IRS1: variants seen among roughly 807,000 people sequenced by gnomAD.
IRS1 encodes the protein insulin receptor substrate 1.
A neutral mutation model predicts 65.6 loss-of-function variants in IRS1; 34 were observed. The observed-to-expected ratio is 0.52, with a 90% CI of 0.39 to 0.69. The LOEUF (loss-of-function observed/expected upper bound fraction) is 0.69. Among genes scored for constraint, IRS1 ranks in the 30% least tolerant of loss-of-function variants. The probability of loss-of-function intolerance (pLI) is 0.00; values close to 1 mark genes in which losing one functional copy is unlikely to be tolerated. For missense variants in IRS1, 1,641 were observed against 1,720.2 expected (o/e 0.95, Z 0.81); for synonymous variants, 699 against 683.5 (o/e 1.02, Z -0.35).
chr2:226,795,300 C>G lies in IRS1; in HGVS notation c.3439G>C (p.Glu1147Gln). The change falls in exon 1 of 2, where the codon GAG becomes CAG. Residue 1147 changes from glutamate to glutamine, a missense_variant. By Grantham distance (29) the Glu-to-Gln change is conservative. Around this residue, in one of 3 missense-constraint regions of IRS1, gnomAD observed 1,324 missense variants for 1,361.0 expected, o/e 0.97. Transcript: ENST00000305123. Reference sequence around the variant, plus strand: ...TCCCCAGGCCTCAGCCACACATTCTCAAAGGAAGCAGAGCTGTGGCGTTTC... The same window carrying G: ...TCCCCAGGCCTCAGCCACACATTCTGAAAGGAAGCAGAGCTGTGGCGTTTC... ...DVKRHSSASF[E>Q]NVWLRPGELG... is the part of the protein sequence containing the mutation. The G allele has an allele frequency of 6.2e-7, 1 of 1,613,902 alleles. No individual in the cohort carries two copies. The highest frequency in any genetic ancestry group is 2.2e-5 in the East Asian group (1 of 44,874).
At chr2:226,768,329 T>C (rs1939095548) in intron 1 of IRS1, among the ~76,000 whole-genome samples, 1 of 152,244 alleles carries the variant, frequency 6.6e-6, no homozygotes. Context: ...TCTGTCTGAT[T>C]CACCACATAG....
intron 1 of IRS1, among the ~76,000 whole-genome samples, chr2:226,776,281 G>A (rs982393288): frequency 6.6e-6 from 1 of 151,830 alleles, no homozygotes. Context: ...AAGCAGCCAT[G>A]AGTCCATACT....
chr2:226,749,932 T>C (rs1009675244), intron 1 of IRS1, among the ~76,000 whole-genome samples: 1 of 152,082 alleles, frequency 6.6e-6, no homozygotes, highest in Non-Finnish European at 1.5e-5. Context: ...TTTCCTTGAT[T>C]GTGTGGTATT....
chr2:226,751,184 C>T (rs1430853877), intron 1 of IRS1, among the ~76,000 whole-genome samples: 2 of 150,884 alleles, frequency 1.3e-5, no homozygotes, highest in African/African-American at 4.9e-5. Context: ...GCCGCCAGGG[C>T]TCTTGAACAA....
chr2:226,798,734 G>T lies in IRS1; in HGVS notation c.5C>A (p.Ala2Glu), dbSNP rs775030251. 6.6e-5 allele frequency: 106 copies of T among 1,610,322 alleles called. No homozygotes were observed. Among genetic ancestry groups the T allele is most frequent in the Non-Finnish European group, 8.7e-5 (102 of 1,179,154 alleles). Residue 2 changes from alanine (A) to glutamate (E), a missense_variant, in exon 1 of 2, where the codon GCG becomes GAG. Ala to Glu is a moderately radical substitution (Grantham distance 107, BLOSUM62 -1). Transcript: ENST00000305123. This position sits in a 1 kb window ranked among gnomAD's most constrained non-coding sequence, Gnocchi z 9.4. ...GAAGCCATCGCTCTCCGGAGGGCTC[G>T]CCATGCTGCCACCGCCACCACCAAC... M[A>E]SPPESDGFSD...
chr2:226,797,279 C>G lies in IRS1; in HGVS notation c.1460G>C (p.Arg487Pro), dbSNP rs192603668. 6.2e-7 allele frequency: 1 copy of G among 1,613,556 alleles called. No individual in the cohort carries two copies. Among genetic ancestry groups the G allele is most frequent in the Non-Finnish European group, 8.5e-7 (1 of 1,179,964 alleles). ...GGTGCAGCGGTGGCCATTGCCACCC[C>G]GAGACAAAATGTAGTGACCGTTGGG... is the stretch of plus-strand genomic sequence containing the variant. The part of the protein sequence containing the change: ...TAPNGHYILS[R>P]GGNGHRCTPG... The change falls in exon 1 of 2, where the codon CGG becomes CCG. Residue 487 changes from arginine (R) to proline (P), a missense_variant. Arg to Pro is a moderately radical substitution (Grantham distance 103, BLOSUM62 -2). Transcript: ENST00000305123. This position sits in a 1 kb window ranked among gnomAD's most constrained non-coding sequence, Gnocchi z 8.1.
chr2:226,772,265 A>G (rs1307278176), intron 1 of IRS1, among the ~76,000 whole-genome samples: 2 of 152,184 alleles, frequency 1.3e-5, no homozygotes, highest in African/African-American at 4.8e-5. Context: ...CACAGCTTAC[A>G]ATTTTACTTT....
chr2:226,772,380 G>T (rs543621391), intron 1 of IRS1, among the ~76,000 whole-genome samples: 12 of 152,298 alleles, frequency 7.9e-5, no homozygotes, highest in African/African-American at 2.9e-4. Flanking sequence ...AGGAATGACA[G>T]TTCCCAGGAG....
chr2:226,751,347 A>G (rs1037456300), intron 1 of IRS1, among the ~76,000 whole-genome samples: 9 of 139,316 alleles, frequency 6.5e-5, no homozygotes, highest in Non-Finnish European at 1.1e-4. Flanking sequence ...GCAGTGGCGC[A>G]ATCTCGGCTC....
In IRS1 at chr2:226,799,298, CCCAGCCGCCA is replaced by C. The variant is rs1939840089; in HGVS notation, c.-570_-561del. 2.5e-6 allele frequency: 3 copies of C among 1,205,914 alleles called. No individual in the cohort carries two copies. Among genetic ancestry groups the C allele is most frequent in the South Asian group, 1.5e-5 (1 of 66,908 alleles). The allele number at this position is 1,205,914 out of a possible 1,614,324, so 74.7% of individuals were successfully genotyped here. On this transcript the variant is annotated 5_prime_UTR_variant, in exon 1 of 2. It introduces an in-frame stop codon into an upstream open reading frame of the 5' UTR. Transcript: ENST00000305123. This position sits in a 1 kb window ranked among gnomAD's most constrained non-coding sequence, Gnocchi z 6.1. ...TCGCCTCCTCCCACCCCCCAACCGTCCCAGCCGCCACCAGCCGCCCAAATACCAGCTCAGT... is the reference window on the plus strand; with the variant it reads ...TCGCCTCCTCCCACCCCCCAACCGTCCCAGCCGCCCAAATACCAGCTCAGT...
chr2:226,773,539 G>C (rs758716242), intron 1 of IRS1, among the ~76,000 whole-genome samples: 1 of 149,846 alleles, frequency 6.7e-6, no homozygotes, highest in Non-Finnish European at 1.5e-5. Flanking sequence ...CGGTGAGAGA[G>C]AAAGAAAAAT....
chr2:226,785,472 G>A (rs772901418), intron 1 of IRS1, among the ~76,000 whole-genome samples: 5 of 152,024 alleles, frequency 3.3e-5, no homozygotes, highest in Non-Finnish European at 5.9e-5. Flanking sequence ...GTGTGGTGGC[G>A]CACGCCTGTA....
At position 226,775,560 on chromosome 2, in the gene IRS1, A is replaced by G. The variant is rs117566409; in HGVS notation, c.*21+19429T>C. Among the ~76,000 whole-genome samples, 71 of 152,344 alleles carry G rather than the reference A, an allele frequency of 4.7e-4. 1 individual carries two copies. The East Asian group carries it at 0.013, about 27-fold the overall frequency. On this transcript the variant is annotated intron_variant, in intron 1 of 1. Coordinates refer to ENST00000305123, the MANE Select transcript of IRS1 (RefSeq NM_005544.3). ...AATATTTATAGATATGTGTATACGT[A>G]TGGGTTAGTACACACATACATTTCC...
At chr2:226,766,233 G>A (rs1397268797) in intron 1 of IRS1, among the ~76,000 whole-genome samples, 12 of 135,412 alleles carry the variant, frequency 8.9e-5, no homozygotes, top group African/African-American at 2.5e-4. Context: ...GCACGATCTC[G>A]GCTCACTGCA....
At position 226,798,023 on chromosome 2, in the gene IRS1, T is replaced by C; in HGVS notation, c.716A>G (p.Gln239Arg). 2 of 1,614,062 alleles carry C rather than the reference T, an allele frequency of 1.2e-6. No homozygotes were observed. Among genetic ancestry groups the C allele is most frequent in the Non-Finnish European group, 1.7e-6 (2 of 1,180,006 alleles). The part of the protein sequence containing the change: ...AVTGPGEFWM[Q>R]VDDSVVAQNM... ...CTGGGCCACCACAGAGTCATCCACC[T>C]GCATCCAGAACTCCCCGGGCCCCGT... is the stretch of plus-strand genomic sequence containing the variant. The change falls in exon 1 of 2, where the codon CAG (glutamine) becomes CGG (arginine). Residue 239 changes from glutamine (Q) to arginine (R), a missense_variant. Gln to Arg is a conservative substitution (Grantham distance 43, BLOSUM62 1). Coordinates refer to ENST00000305123, the MANE Select transcript of IRS1 (RefSeq NM_005544.3). This position sits in a 1 kb window ranked among gnomAD's most constrained non-coding sequence, Gnocchi z 9.4.
At chr2:226,752,860 C>T (rs979520537) in intron 1 of IRS1, among the ~76,000 whole-genome samples, 8 of 152,192 alleles carry the variant, frequency 5.3e-5, no homozygotes, top group Non-Finnish European at 1.0e-4. Flanking sequence ...GGCGTGGGAC[C>T]TCGGGCACTT....
At chr2:226,740,311 C>G (rs1294823309) in intron 1 of IRS1, among the ~76,000 whole-genome samples, 1 of 152,092 alleles carries the variant, frequency 6.6e-6, no homozygotes, top group East Asian at 1.9e-4. Context: ...TAAGATAAAA[C>G]CCACCTAATC....
intron 1 of IRS1, among the ~76,000 whole-genome samples, chr2:226,756,243 C>T (rs765476978): frequency 2.0e-5 from 3 of 152,200 alleles, no homozygotes; most frequent in Admixed American, 2.0e-4. Context: ...GAGTCACCAA[C>T]TCATCTGACT....
intron 1 of IRS1, among the ~76,000 whole-genome samples, chr2:226,767,028 A>T (rs577769436): frequency 1.3e-5 from 2 of 152,338 alleles, no homozygotes; most frequent in South Asian, 4.1e-4. Flanking sequence ...TTAAAAAAAA[A>T]AAAGGCAATG....
Sources: allele counts gnomAD v4.1 joint callset (sites outside exome capture counted in the v4.1 genomes callset), GRCh38; gene constraint gnomAD v4.1.1; regional missense constraint gnomAD v4.1.1; non-coding constraint Gnocchi (gnomAD v3.1); transcripts MANE v1.5; gene names NCBI Gene and HGNC (gene_info 2026-07-23, HGNC 2026-07-21).